Variants in KIRREL3 observed in about 807,000 individuals in gnomAD.
KIRREL3 encodes kin of IRRE-like protein 3.
A neutral mutation model predicts 89.7 loss-of-function variants in KIRREL3; 36 were observed. That is an observed-to-expected ratio of 0.40 (90% CI 0.31 to 0.53). The LOEUF (loss-of-function observed/expected upper bound fraction) is 0.53, where lower values mean the gene tolerates loss of function less well. Ranked by LOEUF, KIRREL3 falls within the 20% of genes least tolerant of loss-of-function variation. The pLI is 0.49. For missense variants in KIRREL3, 864 were observed against 1,056.6 expected (o/e 0.82, Z 2.53); for synonymous variants, 445 against 441.4 (o/e 1.01, Z -0.10).
At chr11:126,634,088 C>T (rs550150515) in intron 1 of KIRREL3, among the ~76,000 whole-genome samples, 3 of 152,320 alleles carry the variant, frequency 2.0e-5, no homozygotes, top group South Asian at 2.1e-4. Flanking sequence ...CTCCAAAGCT[C>T]CAGTTGGAAG....
chr11:126,597,870 C>G (rs2134735193), intron 1 of KIRREL3, among the ~76,000 whole-genome samples: 1 of 152,366 alleles, frequency 6.6e-6, no homozygotes, highest in African/African-American at 2.4e-5. Context: ...TTGATCAGTA[C>G]TGTATCATTT....
At chr11:126,789,944 A>G (rs971831619) in intron 1 of KIRREL3, among the ~76,000 whole-genome samples, 1 of 152,150 alleles carries the variant, frequency 6.6e-6, no homozygotes, top group African/African-American at 2.4e-5. Flanking sequence ...AAACCTTTAC[A>G]CTATATCCGA....
rs568291902 is a variant in KIRREL3, at chr11:126,948,811, G to A, written c.55+51644C>T. ...GCTGGATATGGGGAGGAGTTCAGAA[G>A]CCAGGGAAAGAGATGTGAGCTCACC... On this transcript the variant is annotated intron_variant, in intron 1 of 16. Transcript: ENST00000525144. This position sits in a 1 kb window ranked among gnomAD's most constrained non-coding sequence, Gnocchi z 4.5. 2.0e-4 allele frequency among the ~76,000 whole-genome samples: 30 copies of A among 152,270 alleles called. No individual in the cohort carries two copies. The South Asian group carries it at 4.4e-3, about 22-fold the overall frequency.
intron 1 of KIRREL3, among the ~76,000 whole-genome samples, chr11:126,871,703 T>C (rs1277888977): frequency 6.6e-6 from 1 of 152,184 alleles, no homozygotes; most frequent in African/African-American, 2.4e-5. Flanking sequence ...TGTTTGAGCA[T>C]CTTCATGATA....
At position 126,429,426 on chromosome 11, in the gene KIRREL3, G is replaced by T; in HGVS notation, c.1697-138C>A. On this transcript the variant is annotated intron_variant, in intron 14 of 16. Coordinates refer to ENST00000525144, the MANE Select transcript of KIRREL3 (RefSeq NM_032531.4). This position sits in a 1 kb window ranked among gnomAD's most constrained non-coding sequence, Gnocchi z 5.2. ...GCCCCTGAACTCAGCAGCTTCACCA[G>T]CCCCCCACCAATAGAACCTCCATAT... 1 of 655,428 alleles carries T rather than the reference G, an allele frequency of 1.5e-6. No homozygotes were observed. The allele number at this position is 655,428 out of a possible 1,614,324, so 40.6% of individuals were successfully genotyped here. A position where few individuals can be genotyped will look rare whatever the true frequency, so the allele number is the denominator to read the frequency against.
rs1423624916 is a variant in KIRREL3, at chr11:126,771,953, G to A, written c.56-209041C>T. Among the ~76,000 whole-genome samples the A allele has an allele frequency of 6.6e-6, 1 of 152,178 alleles. No individual in the cohort carries two copies. The highest frequency in any genetic ancestry group is 1.9e-4 in the East Asian group (1 of 5,188). ...GCCTTGGCTAGATCCTAATGCCCTC[G>A]AATGCAGTCCAGCTTTCCTAAATGC... is the stretch of plus-strand genomic sequence containing the variant. On this transcript the variant is annotated intron_variant, in intron 1 of 16. Coordinates refer to ENST00000525144, the MANE Select transcript of KIRREL3 (RefSeq NM_032531.4). This position sits in a 1 kb window ranked among gnomAD's most constrained non-coding sequence, Gnocchi z 4.4.
intron 1 of KIRREL3, among the ~76,000 whole-genome samples, chr11:126,915,958 C>T (rs1053933229): frequency 6.6e-6 from 1 of 152,134 alleles, no homozygotes; most frequent in Non-Finnish European, 1.5e-5. Context: ...CATCTGCTCT[C>T]TTCGTGCAAC....
At chr11:126,881,239 C>A (rs1285331181) in intron 1 of KIRREL3, among the ~76,000 whole-genome samples, 1 of 152,186 alleles carries the variant, frequency 6.6e-6, no homozygotes, top group Non-Finnish European at 1.5e-5. Context: ...CTGAACTTTG[C>A]ATGCGACTCC....
chr11:126,446,573 G>C (rs1955821906), intron 9 of KIRREL3, among the ~76,000 whole-genome samples, 186 bp downstream of exon 9: 1 of 152,206 alleles, frequency 6.6e-6, no homozygotes, highest in Non-Finnish European at 1.5e-5. Flanking sequence ...ATGTGCTCAG[G>C]GTGGGACAGG....
In KIRREL3 at chr11:126,883,340, A is replaced by C. The variant is rs1411510199; in HGVS notation, c.55+117115T>G. ...AGCAGCACAGCAGTTAAAGAACTTT[A>C]TAGCCTCTTCCCAACAAATGCTCAT... On this transcript the variant is annotated intron_variant, in intron 1 of 16. Transcript: ENST00000525144. This position sits in a 1 kb window ranked among gnomAD's most constrained non-coding sequence, Gnocchi z 4.1. Among the ~76,000 whole-genome samples the C allele has an allele frequency of 2.0e-5, 3 of 152,162 alleles. No individual in the cohort carries two copies. The highest frequency in any genetic ancestry group is 4.4e-5 in the Non-Finnish European group (3 of 68,036).
Position 126,855,408 on chromosome 11 carries a change from T to C in KIRREL3, c.55+145047A>G, listed in dbSNP as rs564149643. Reference sequence around the variant, plus strand: ...TTTCCCTTTGCCTTCTACCATGATTTTAACTTTCCTGAGGCCTCCCCAGCC... The same window carrying C: ...TTTCCCTTTGCCTTCTACCATGATTCTAACTTTCCTGAGGCCTCCCCAGCC... On this transcript the variant is annotated intron_variant, in intron 1 of 16. Coordinates refer to ENST00000525144, the MANE Select transcript of KIRREL3 (RefSeq NM_032531.4). 3.9e-5 allele frequency among the ~76,000 whole-genome samples: 6 copies of C among 152,278 alleles called. No individual in the cohort carries two copies. The South Asian group carries it at 6.2e-4, about 16-fold the overall frequency.
Position 126,622,052 on chromosome 11 carries a change from G to A in KIRREL3, c.56-59140C>T, listed in dbSNP as rs1243067909. Among the ~76,000 whole-genome samples the A allele has an allele frequency of 6.6e-6, 1 of 152,166 alleles. No homozygotes were observed. The highest frequency in any genetic ancestry group is 1.5e-5 in the Non-Finnish European group (1 of 68,038). On this transcript the variant is annotated intron_variant, in intron 1 of 16. Coordinates refer to ENST00000525144, the MANE Select transcript of KIRREL3 (RefSeq NM_032531.4). This position sits in a 1 kb window ranked among gnomAD's most constrained non-coding sequence, Gnocchi z 5.2. ...AGTTGAGGTGCTGCCCATGGGCTGG[G>A]TGAATGGTGGTGGGTGTGGTAATGG...
In KIRREL3 at chr11:126,983,716, T is replaced by G. The variant is rs1425918133; in HGVS notation, c.55+16739A>C. On this transcript the variant is annotated intron_variant, in intron 1 of 16. Transcript: ENST00000525144. The surrounding 1 kb of genome is among the most constrained non-coding windows in gnomAD (Gnocchi z 4.9). ...CAGAAAGAAACAGCCCTGCAGCACC[T>G]GGATGCCAGCCCGTGAGATCCATTC... Among the ~76,000 whole-genome samples the G allele has an allele frequency of 1.3e-5, 2 of 152,182 alleles. No individual in the cohort carries two copies. The highest frequency in any genetic ancestry group is 4.8e-5 in the African/African-American group (2 of 41,450).
At chr11:126,813,097 C>T (rs773200763) in intron 1 of KIRREL3, among the ~76,000 whole-genome samples, 1 of 152,080 alleles carries the variant, frequency 6.6e-6, no homozygotes, top group African/African-American at 2.4e-5. Context: ...AAATAGGGCT[C>T]GTGTCTCCTT....
rs1313339346 is a variant in KIRREL3, at chr11:126,427,487, A to C, written c.1806+1692T>G. ...TCTTGGAGTTGATTGTTATGGGAGA[A>C]TGTGAGATTCAACAGACAAAATTAG... On this transcript the variant is annotated intron_variant, in intron 15 of 16. Coordinates refer to ENST00000525144, the MANE Select transcript of KIRREL3 (RefSeq NM_032531.4). This position sits in a 1 kb window ranked among gnomAD's most constrained non-coding sequence, Gnocchi z 5.3. Among the ~76,000 whole-genome samples the C allele has an allele frequency of 6.6e-5, 10 of 152,228 alleles. No homozygotes were observed. Among genetic ancestry groups the C allele is most frequent in the Admixed American group, 6.5e-4 (10 of 15,284 alleles).
At chr11:127,001,314 T>TGGGG (rs796254847), upstream of KIRREL3, 20 of 59,448 alleles carry the variant, frequency 3.4e-4, no homozygotes, top group East Asian at 1.4e-3. Context: ...GTGGTTGTGG[T>TGGGG]GGGGGGGGGG....
At chr11:126,887,620 C>A (rs550854198) in intron 1 of KIRREL3, among the ~76,000 whole-genome samples, 2 of 152,200 alleles carry the variant, frequency 1.3e-5, no homozygotes, top group South Asian at 4.2e-4. Flanking sequence ...CCCCACCAAC[C>A]AAGGGTCCCC....
rs1439915119 is a variant in KIRREL3, at chr11:126,565,181, A to G, written c.56-2269T>C. ...TGTGACTGAACGCTCAGGCAAATGG[A>G]AGGGCGAACAATTCTCTTACAGATT... On this transcript the variant is annotated intron_variant, in intron 1 of 16. Coordinates refer to ENST00000525144, the MANE Select transcript of KIRREL3 (RefSeq NM_032531.4). This position sits in a 1 kb window ranked among gnomAD's most constrained non-coding sequence, Gnocchi z 5.4. Among the ~76,000 whole-genome samples the G allele has an allele frequency of 1.3e-5, 2 of 152,102 alleles. No homozygotes were observed. Among genetic ancestry groups the G allele is most frequent in the African/African-American group, 4.8e-5 (2 of 41,410 alleles).
At chr11:126,889,630 G>A (rs1592288757) in intron 1 of KIRREL3, among the ~76,000 whole-genome samples, 1 of 152,296 alleles carries the variant, frequency 6.6e-6, no homozygotes, top group African/African-American at 2.4e-5. Flanking sequence ...CCACATCAGG[G>A]CTTCTATGCA....
Sources: allele counts gnomAD v4.1 joint callset (sites outside exome capture counted in the v4.1 genomes callset), GRCh38; gene constraint gnomAD v4.1.1; non-coding constraint Gnocchi (gnomAD v3.1); transcripts MANE v1.5; gene names NCBI Gene and HGNC (gene_info 2026-07-23, HGNC 2026-07-21).